Variants in MATCAP2 observed in about 807,000 individuals in gnomAD.
MATCAP2 encodes the protein putative tyrosine carboxypeptidase MATCAP2.
the MATCAP2 span, chr7:36,326,384 A>G: frequency 6.4e-6 from 1 of 156,918 alleles, no homozygotes. Flanking sequence ...CTGAACAGCA[A>G]TGGAATTCAG....
chr7:36,334,265 G>C, the MATCAP2 span: 6 of 957,402 alleles, frequency 6.3e-6, no homozygotes, highest in Middle Eastern at 2.9e-4. Context: ...AGCCAGGCGC[G>C]GTGGCTCATG....
At chr7:36,333,500 A>T in the MATCAP2 span, among the ~76,000 whole-genome samples, 3 of 152,188 alleles carry the variant, frequency 2.0e-5, no homozygotes, top group Non-Finnish European at 2.9e-5. Flanking sequence ...TTAAATGGGT[A>T]AATTGTATGG....
chr7:36,346,440 C>G, the MATCAP2 span, among the ~76,000 whole-genome samples: 1 of 152,090 alleles, frequency 6.6e-6, no homozygotes, highest in African/African-American at 2.4e-5. Context: ...GAATATTATT[C>G]AGCAATAAAA....
chr7:36,387,762 C>A, the MATCAP2 span, among the ~76,000 whole-genome samples: 2 of 152,046 alleles, frequency 1.3e-5, no homozygotes, highest in Non-Finnish European at 2.9e-5. Flanking sequence ...CTCTTTTAGT[C>A]TTAACTAGAA....
chr7:36,366,231 G>T, the MATCAP2 span, among the ~76,000 whole-genome samples: 1 of 152,142 alleles, frequency 6.6e-6, no homozygotes, highest in African/African-American at 2.4e-5. Flanking sequence ...TGGGAAAATG[G>T]CCTAGAAAAT....
the MATCAP2 span, among the ~76,000 whole-genome samples, chr7:36,332,418 A>G: frequency 6.6e-6 from 1 of 152,228 alleles, no homozygotes. Context: ...CACGTTGCTT[A>G]TCTGAAATCC....
chr7:36,367,278 C>T, the MATCAP2 span: 1 of 1,040,040 alleles, frequency 9.6e-7, no homozygotes, highest in Non-Finnish European at 1.2e-6. Context: ...TTCACGGAGC[C>T]TGCGCGCCGC....
chr7:36,361,661 C>A, the MATCAP2 span, among the ~76,000 whole-genome samples: 1 of 152,120 alleles, frequency 6.6e-6, no homozygotes, highest in Admixed American at 6.5e-5. Flanking sequence ...GAAGCTGAGG[C>A]TGGAAGACTA....
the MATCAP2 span, chr7:36,335,000 T>C: frequency 6.5e-7 from 1 of 1,546,784 alleles, no homozygotes; most frequent in African/African-American, 1.4e-5. Context: ...TCTTTAGAGC[T>C]AATTCCTGAT....
chr7:36,382,730 T>C, the MATCAP2 span, among the ~76,000 whole-genome samples: 11 of 152,214 alleles, frequency 7.2e-5, no homozygotes, highest in Non-Finnish European at 1.5e-4. Context: ...CCTGACCTCG[T>C]GATCCACCCG....
chr7:36,330,014 T>C, the MATCAP2 span, among the ~76,000 whole-genome samples: 1 of 152,046 alleles, frequency 6.6e-6, no homozygotes, highest in Non-Finnish European at 1.5e-5. Flanking sequence ...ATCCATATTG[T>C]AGGAATTCTC....
chr7:36,377,360 AG>A, the MATCAP2 span, among the ~76,000 whole-genome samples: 1 of 152,150 alleles, frequency 6.6e-6, no homozygotes, highest in African/African-American at 2.4e-5. Context: ...TCACTTATGA[AG>A]CTTAGTTTGG....
At chr7:36,390,200 C>A in the MATCAP2 span, 6 of 1,264,276 alleles carry the variant, frequency 4.7e-6, no homozygotes, top group South Asian at 7.9e-5. Flanking sequence ...CGGCTGCGGC[C>A]TGCTGTGGTT....
chr7:36,328,239 TA>T, the MATCAP2 span, among the ~76,000 whole-genome samples: 26 of 25,248 alleles, frequency 1.0e-3, 3 homozygotes, highest in Admixed American at 2.1e-3. Context: ...TTTGTTTTTG[TA>T]GGGGGGGGGG....
chr7:36,389,560 G>A, the MATCAP2 span, among the ~76,000 whole-genome samples: 15 of 152,180 alleles, frequency 9.9e-5, no homozygotes, highest in Non-Finnish European at 1.5e-5. Context: ...AGGAAGGCGG[G>A]AACACCCAAA....
chr7:36,332,627 TA>T, the MATCAP2 span, among the ~76,000 whole-genome samples: 1 of 152,198 alleles, frequency 6.6e-6, no homozygotes, highest in Non-Finnish European at 1.5e-5. Flanking sequence ...TCCAAATAAA[TA>T]GTTTAAAAAC....
chr7:36,365,545 CA>C, the MATCAP2 span, among the ~76,000 whole-genome samples: 27 of 152,246 alleles, frequency 1.8e-4, no homozygotes, highest in African/African-American at 6.5e-4. Context: ...ATTAAAAATA[CA>C]AAAATCCGGC....
At chr7:36,355,412 T>C in the MATCAP2 span, 6 of 152,240 alleles carry the variant, frequency 3.9e-5, no homozygotes, top group African/African-American at 1.4e-4. Context: ...TGCCACTTTA[T>C]ATTAGTAAGT....
chr7:36,360,166 A>C, the MATCAP2 span, among the ~76,000 whole-genome samples: 1 of 152,178 alleles, frequency 6.6e-6, no homozygotes, highest in East Asian at 1.9e-4. Context: ...TGAATACTCA[A>C]TGTGAAAATG....
Sources: gnomAD v4.1 joint callset for allele counts (sites outside exome capture counted in the v4.1 genomes callset) on GRCh38, gnomAD v4.1.1 for gene constraint, MANE v1.5 for transcripts, NCBI Gene and HGNC (gene_info 2026-07-23, HGNC 2026-07-21) for gene names.